Variants in EFCAB11 observed in about 807,000 individuals in gnomAD.
EFCAB11 encodes EF-hand calcium-binding domain-containing protein 11.
In EFCAB11, 14 loss-of-function variants were observed where a neutral mutation model predicts 23.0. The observed-to-expected ratio is 0.61, with a 90% CI of 0.40 to 0.95. The LOEUF (loss-of-function observed/expected upper bound fraction) is 0.95, where lower values mean the gene tolerates loss of function less well. EFCAB11 is among the 40% of genes least tolerant of loss of function. The pLI, the probability that EFCAB11 is intolerant of heterozygous loss-of-function variation, is 0.00. For missense variants in EFCAB11, 198 were observed against 195.8 expected, an observed-to-expected ratio of 1.01 and a Z score of -0.07; for synonymous variants, 65 against 66.6, an observed-to-expected ratio of 0.98 and a Z score of 0.11.
intron 5 of EFCAB11, among the ~76,000 whole-genome samples, chr14:89,813,206 T>C (rs151175041): frequency 1.3e-5 from 2 of 152,292 alleles, no homozygotes; most frequent in Non-Finnish European, 2.9e-5. Context: ...GAAGGGCATA[T>C]ACAGTGAGGG....
At chr14:89,804,676 A>G (rs924465673) in intron 5 of EFCAB11, among the ~76,000 whole-genome samples, 18 of 152,346 alleles carry the variant, frequency 1.2e-4, no homozygotes, top group African/African-American at 3.6e-4. Context: ...ATAGCACGTC[A>G]TATCAGATTC....
At chr14:89,884,841 G>A (rs896596478) in intron 5 of EFCAB11, among the ~76,000 whole-genome samples, 1 of 152,146 alleles carries the variant, frequency 6.6e-6, no homozygotes, top group African/African-American at 2.4e-5. Context: ...ACCATCATAA[G>A]GGATTAGTGC....
chr14:89,862,131 G>A (rs1027502177), intron 5 of EFCAB11, among the ~76,000 whole-genome samples: 2 of 152,180 alleles, frequency 1.3e-5, no homozygotes, highest in Admixed American at 6.5e-5. Flanking sequence ...GGTATTGCGG[G>A]ACCAGCAGAA....
intron 5 of EFCAB11, chr14:89,830,727 G>GCCAGGTTTT (rs1886855740): frequency 6.6e-6 from 1 of 152,128 alleles, no homozygotes; most frequent in African/African-American, 2.4e-5. Flanking sequence ...CTCAATCAAT[G>GCCAGGTTTT]CCAGGTTTTG....
intron 5 of EFCAB11, among the ~76,000 whole-genome samples, chr14:89,913,551 G>T (rs1381636883): frequency 6.6e-6 from 1 of 152,108 alleles, no homozygotes; most frequent in Non-Finnish European, 1.5e-5. Context: ...AATCTTAAGG[G>T]TCTGAATCTT....
intron 3 of EFCAB11, among the ~76,000 whole-genome samples, chr14:89,945,100 C>T (rs949946215): frequency 2.0e-5 from 3 of 149,618 alleles, no homozygotes; most frequent in African/African-American, 7.4e-5. Context: ...GTTAGTAATC[C>T]CTGCTCTCTT....
intron 5 of EFCAB11, among the ~76,000 whole-genome samples, chr14:89,828,510 C>T (rs1886777713): frequency 6.6e-6 from 1 of 152,092 alleles, no homozygotes; most frequent in African/African-American, 2.4e-5. Flanking sequence ...TAGTGCTTTT[C>T]CCCAGAACTA....
At chr14:89,893,186 A>G (rs1889036705) in intron 5 of EFCAB11, among the ~76,000 whole-genome samples, 1 of 152,272 alleles carries the variant, frequency 6.6e-6, no homozygotes, top group Admixed American at 6.5e-5. Flanking sequence ...CAGCGTCAGG[A>G]AGCTGCTGCA....
intron 5 of EFCAB11, among the ~76,000 whole-genome samples, chr14:89,867,279 A>C (rs1029477292): frequency 6.6e-6 from 1 of 152,106 alleles, no homozygotes; most frequent in South Asian, 2.1e-4. Flanking sequence ...CAGTCCCTAC[A>C]TTTATTACTA....
intron 5 of EFCAB11, 128 bp from the exon 6 acceptor site, chr14:89,797,452 C>A: frequency 1.4e-6 from 1 of 703,764 alleles, no homozygotes; most frequent in South Asian, 2.1e-5. Flanking sequence ...TACTTGAAGG[C>A]TGAGATTGAT....
At chr14:89,837,099 T>C (rs1439114443) in intron 5 of EFCAB11, 1 of 456,624 alleles carries the variant, frequency 2.2e-6, no homozygotes, top group Non-Finnish European at 4.4e-6. Flanking sequence ...TTTTTAGACT[T>C]CTGGTCAATA....
At chr14:89,935,754 A>T (rs1890559053) in intron 3 of EFCAB11, among the ~76,000 whole-genome samples, 1 of 152,226 alleles carries the variant, frequency 6.6e-6, no homozygotes, top group African/African-American at 2.4e-5. Flanking sequence ...CACGCCTGTA[A>T]TCCCAGCAAT....
intron 5 of EFCAB11, chr14:89,830,331 T>C (rs1886842767): frequency 6.6e-6 from 1 of 152,234 alleles, no homozygotes; most frequent in South Asian, 2.1e-4. Flanking sequence ...ATTAATTGCT[T>C]ACACGCATAC....
intron 5 of EFCAB11, among the ~76,000 whole-genome samples, chr14:89,869,666 G>C (rs1888207705): frequency 6.6e-6 from 1 of 152,128 alleles, no homozygotes; most frequent in African/African-American, 2.4e-5. Flanking sequence ...CACAAGATGG[G>C]GATGGTGACA....
chr14:89,905,612 T>C (rs534609134), intron 5 of EFCAB11, among the ~76,000 whole-genome samples: 21 of 152,290 alleles, frequency 1.4e-4, no homozygotes, highest in Non-Finnish European at 2.9e-4. Context: ...AGAGTTATCA[T>C]TTGCATAAGG....
At chr14:89,951,754 C>CAA (rs112997885) in intron 2 of EFCAB11, among the ~76,000 whole-genome samples, 2 of 116,020 alleles carry the variant, frequency 1.7e-5, no homozygotes, top group Admixed American at 9.1e-5. Context: ...ACTAAAAACA[C>CAA]AAAAAAAAAA....
intron 5 of EFCAB11, among the ~76,000 whole-genome samples, chr14:89,802,118 T>A (rs1885804587): frequency 6.6e-6 from 1 of 151,966 alleles, no homozygotes; most frequent in Admixed American, 6.5e-5. Context: ...GGAAAATCAT[T>A]TTTCTTGTAA....
intron 5 of EFCAB11, among the ~76,000 whole-genome samples, chr14:89,824,347 AT>A (rs1385204092): frequency 6.6e-6 from 1 of 152,154 alleles, no homozygotes; most frequent in African/African-American, 2.4e-5. Context: ...ACTGATAAAA[AT>A]TTGTGGCCAG....
intron 5 of EFCAB11, among the ~76,000 whole-genome samples, chr14:89,835,879 C>T (rs985397726): frequency 9.2e-5 from 14 of 152,102 alleles, no homozygotes; most frequent in African/African-American, 1.4e-4. Flanking sequence ...CTACCTGCCT[C>T]GGCCTCCCAA....
Sources: allele counts gnomAD v4.1 joint callset (sites outside exome capture counted in the v4.1 genomes callset), GRCh38; gene constraint gnomAD v4.1.1; transcripts MANE v1.5; gene names NCBI Gene and HGNC (gene_info 2026-07-23, HGNC 2026-07-21).